The following STAB2 variants were observed in gnomAD, a reference collection of about 807,000 sequenced individuals.
STAB2 encodes the protein stabilin 2.
STAB2 carries 288 observed loss-of-function variants against 338.1 expected under a neutral mutation model. The ratio of observed to expected loss-of-function variants is 0.85; its 90% CI spans 0.77 to 0.94. STAB2 has a LOEUF of 0.94. STAB2 is among the 40% of genes least tolerant of loss of function. The pLI is 0.00. For synonymous variants in STAB2, 1,202 were observed against 1,193.3 expected (o/e 1.01, Z -0.15); for missense variants, 3,141 against 3,210.1 (o/e 0.98, Z 0.52).
rs201998394 is a variant in STAB2 at position 103,755,468 on chromosome 12, G to C, written c.6880+1G>C. ...GATGTCTTCTGCTATCGGATGAAAG[G>C]TAACCGCCCCAGCTACACTTCAGGT... On this transcript the variant is annotated splice_donor_variant, in intron 62 of 68. Coordinates refer to ENST00000388887, the MANE Select transcript of STAB2 (RefSeq NM_017564.10). LOFTEE classifies it high-confidence loss of function. 70 of 1,613,638 alleles carry C rather than the reference G, an allele frequency of 4.3e-5. No homozygotes were observed. The highest frequency in any genetic ancestry group is 5.8e-5 in the Non-Finnish European group (69 of 1,179,756).
intron 10 of STAB2, among the ~76,000 whole-genome samples, chr12:103,649,811 C>T (rs1176609289): frequency 1.3e-5 from 2 of 152,094 alleles, no homozygotes; most frequent in East Asian, 3.9e-4. Flanking sequence ...TCTTAGAATA[C>T]CAAATGGGAC....
intron 41 of STAB2, among the ~76,000 whole-genome samples, chr12:103,712,817 C>T (rs1389789694): frequency 6.6e-6 from 1 of 152,124 alleles, no homozygotes; most frequent in Non-Finnish European, 1.5e-5. Flanking sequence ...ATTTGATTGG[C>T]CTAGGGTATG....
intron 34 of STAB2, among the ~76,000 whole-genome samples, 192 bp from the exon 35 acceptor site, chr12:103,702,956 G>C (rs1879029916): frequency 1.3e-5 from 2 of 152,234 alleles, no homozygotes; most frequent in Non-Finnish European, 2.9e-5. Context: ...CACACAGCTA[G>C]ATGGCGCCAG....
chr12:103,742,652 T>C, intron 56 of STAB2, 98 bp downstream of exon 56: 1 of 1,559,772 alleles, frequency 6.4e-7, no homozygotes. Flanking sequence ...CATCCTTTTG[T>C]CCTTTCTCTC....
At chr12:103,647,703 C>T (rs906122845) in intron 9 of STAB2, among the ~76,000 whole-genome samples, 7 of 152,184 alleles carry the variant, frequency 4.6e-5, no homozygotes, top group African/African-American at 1.7e-4. Context: ...GGCATATTAA[C>T]CATGGAAATT....
At chr12:103,702,294 AT>A (rs34124272) in intron 34 of STAB2, among the ~76,000 whole-genome samples, 29,212 of 143,424 alleles carry the variant, frequency 0.2, 2,641 homozygotes, top group South Asian at 0.23. Flanking sequence ...ATTATCAGTT[AT>A]TTTTTTTTTT....
In STAB2 at chr12:103,655,491, A is replaced by G; in HGVS notation, c.1644A>G (p.Gly548=). Residue 548 remains glycine (G), a synonymous_variant, in exon 15 of 69, where the codon GGA becomes GGG. Transcript: ENST00000388887. The part of the protein sequence containing the change: ...TNLGHALDED[G]VGGPYTIFVP... ...TGGGACATGCCTTAGATGAGGATGG[A>G]GTTGGTGGACCATACACCATTTTTG... 6.2e-7 allele frequency: 1 copy of G among 1,614,098 alleles called. No individual in the cohort carries two copies. The highest frequency in any genetic ancestry group is 1.1e-5 in the South Asian group (1 of 91,086).
At position 103,759,271 on chromosome 12, in the gene STAB2, CCGGTA is replaced by C; in HGVS notation, c.7248_7248+4del. 3 of 1,614,012 alleles carry C rather than the reference CCGGTA, an allele frequency of 1.9e-6. 1 individual carries two copies. In the South Asian group the frequency reaches 3.3e-5, roughly 18 times the overall value. On this transcript the variant is annotated splice_donor_variant and splice_donor_region_variant and coding_sequence_variant and intron_variant, in exon 65 of 69. Transcript: ENST00000388887. LOFTEE classifies it high-confidence loss of function. ...CACTGCCAGCCAGGACCCACTCCAA[CCGGTA>C]CAAAGTCTTCTGGGCTTCTTGGGGG...
Position 103,713,760 on chromosome 12 carries a change from T to C in STAB2, c.4529T>C (p.Val1510Ala). The change falls in exon 42 of 69, where the codon GTG (valine) becomes GCG (alanine). Residue 1510 changes from valine to alanine, a missense_variant. Physicochemically the swap from Val to Ala is moderately conservative, Grantham distance 64 (BLOSUM62 0). Coordinates refer to ENST00000388887, the MANE Select transcript of STAB2 (RefSeq NM_017564.10). ...GCAGGCTACACGGGTGATGGCATTGTGTGCCTGGGTAGGTGTCCTTCCCTC... is the reference window on the plus strand; with the variant it reads ...GCAGGCTACACGGGTGATGGCATTGCGTGCCTGGGTAGGTGTCCTTCCCTC... ...CKAGYTGDGI[V>A]CLEINPCLEN... The C allele has an allele frequency of 1.2e-6, 2 of 1,613,842 alleles. No homozygotes were observed. The highest frequency in any genetic ancestry group is 1.7e-6 in the Non-Finnish European group (2 of 1,179,802).
chr12:103,611,726 A>G (rs1409383468), intron 3 of STAB2, among the ~76,000 whole-genome samples: 3 of 152,172 alleles, frequency 2.0e-5, no homozygotes, highest in African/African-American at 4.8e-5. Context: ...TGATCCTGTC[A>G]TTATGATGTT....
intron 44 of STAB2, among the ~76,000 whole-genome samples, chr12:103,718,278 G>T (rs1266258842): frequency 6.6e-6 from 1 of 152,124 alleles, no homozygotes; most frequent in Non-Finnish European, 1.5e-5. Context: ...CATTCCAAAA[G>T]CTTGTTCTGT....
intron 44 of STAB2, among the ~76,000 whole-genome samples, chr12:103,723,241 A>G (rs1457375429): frequency 9.2e-5 from 14 of 152,236 alleles, no homozygotes; most frequent in Non-Finnish European, 2.1e-4. Context: ...TGGGCAACTT[A>G]CAAAAGAAAG....
intron 56 of STAB2, among the ~76,000 whole-genome samples, chr12:103,743,169 C>T: frequency 6.6e-6 from 1 of 151,854 alleles, no homozygotes; most frequent in East Asian, 1.9e-4. Flanking sequence ...ATTACAGGCG[C>T]CCGCCACCAC....
At chr12:103,625,523 C>A (rs1228195864) in intron 5 of STAB2, among the ~76,000 whole-genome samples, 5 of 152,196 alleles carry the variant, frequency 3.3e-5, no homozygotes, top group African/African-American at 9.7e-5. Flanking sequence ...CCCCCACCCA[C>A]AACAGGCCCC....
At chr12:103,602,112 G>A (rs1368475384) in intron 3 of STAB2, among the ~76,000 whole-genome samples, 1 of 152,160 alleles carries the variant, frequency 6.6e-6, no homozygotes, top group Non-Finnish European at 1.5e-5. Flanking sequence ...ATTCTGTGTT[G>A]TCAAGCCCTC....
chr12:103,749,032 A>C lies in STAB2; in HGVS notation c.6314A>C (p.Lys2105Thr), dbSNP rs1386878079. 1.5e-5 allele frequency: 25 copies of C among 1,614,002 alleles called. No homozygotes were observed. The highest frequency in any genetic ancestry group is 2.0e-5 in the Non-Finnish European group (24 of 1,180,010). The change falls in exon 59 of 69, where the codon AAG becomes ACG. Residue 2105 changes from lysine to threonine, a missense_variant. Coordinates refer to ENST00000388887, the MANE Select transcript of STAB2 (RefSeq NM_017564.10). ...KVARCSQKGTKVSCSCQKGYK... is the reference protein window; with the variant it reads ...KVARCSQKGTTVSCSCQKGYK... ...GCCAGATGCTCCCAGAAGGGCACGA[A>C]GGTCTCCTGCAGCTGCCAGAAGGGA... is the stretch of plus-strand genomic sequence containing the variant.
chr12:103,610,954 T>C (rs1286382934), intron 3 of STAB2, among the ~76,000 whole-genome samples: 2 of 152,252 alleles, frequency 1.3e-5, no homozygotes, highest in African/African-American at 2.4e-5. Flanking sequence ...TACCCAGTAG[T>C]CATTCAGGAG....
Position 103,761,309 on chromosome 12 carries a change from A to G in STAB2, c.7258A>G (p.Arg2420Gly), listed in dbSNP as rs1451084796. Residue 2420 changes from arginine to glycine, a missense_variant, in exon 66 of 69, where the codon AGG becomes GGG. Arg to Gly is a moderately radical substitution (Grantham distance 125). Transcript: ENST00000388887. ...SQDPLQPTET[R>G]FVDGRAILQW... Reference sequence around the variant, plus strand: ...CTTCTCATTTCCCTAGACGGAGACCAGGTTTGTTGATGGAAGAGCCATTCT... The same window carrying G: ...CTTCTCATTTCCCTAGACGGAGACCGGGTTTGTTGATGGAAGAGCCATTCT... 8 of 1,614,032 alleles carry G rather than the reference A, an allele frequency of 5.0e-6. No individual in the cohort carries two copies. In the Admixed American group the frequency reaches 1.3e-4, roughly 27 times the overall value.
chr12:103,731,159 G>C (rs1364010574), intron 49 of STAB2, among the ~76,000 whole-genome samples: 1 of 152,172 alleles, frequency 6.6e-6, no homozygotes, highest in Non-Finnish European at 1.5e-5. Flanking sequence ...TGTCCTGGCT[G>C]TCACAGCTCT....
Sources: gnomAD v4.1 joint callset for allele counts (sites outside exome capture counted in the v4.1 genomes callset) on GRCh38, gnomAD v4.1.1 for gene constraint, MANE v1.5 for transcripts, NCBI Gene and HGNC (gene_info 2026-07-23, HGNC 2026-07-21) for gene names.